The following INTS6 variants were observed in gnomAD, a reference collection of about 807,000 sequenced individuals.
The protein encoded by INTS6 is integrator complex subunit 6, also known as DEAD box protein.
A neutral mutation model predicts 104.9 loss-of-function variants in INTS6; 16 were observed. That is an observed-to-expected ratio of 0.15 (90% CI 0.10 to 0.23). The LOEUF (loss-of-function observed/expected upper bound fraction) is 0.23, where lower values mean the gene tolerates loss of function less well. INTS6 is among the 10% of genes least tolerant of loss of function. The probability of loss-of-function intolerance (pLI) is 1.00; values close to 1 mark genes in which losing one functional copy is unlikely to be tolerated. For missense variants in INTS6, 584 were observed against 1,062.8 expected (o/e 0.55, Z 6.26); for synonymous variants, 324 against 358.7 (o/e 0.90, Z 1.09).
At chr13:51,395,055 T>C (rs1956311237) in intron 5 of INTS6, among the ~76,000 whole-genome samples, 1 of 152,180 alleles carries the variant, frequency 6.6e-6, no homozygotes, top group Admixed American at 6.5e-5. Context: ...CTTCAAATAA[T>C]AGCATTTTCT....
chr13:51,389,062 C>T (rs1030882235), intron 6 of INTS6, among the ~76,000 whole-genome samples: 2 of 152,116 alleles, frequency 1.3e-5, no homozygotes, highest in African/African-American at 2.4e-5. Flanking sequence ...AGTTGCTTAT[C>T]GATAAATCTT....
rs1310109046 is a variant in INTS6 at position 51,383,673 on chromosome 13, T to C, written c.963A>G (p.Lys321=). Residue 321 remains lysine (K), a synonymous_variant, in exon 8 of 18, where the codon AAA becomes AAG. Coordinates refer to ENST00000311234, the MANE Select transcript of INTS6 (RefSeq NM_012141.3). ...CCAACTCATATTTGTCAAAAGGAAG[T>C]TTATCAATAACCATTGGTTCACAGT... The part of the protein sequence containing the change: ...CTDCEPMVID[K]LPFDKYELEP... The C allele has an allele frequency of 6.2e-7, 1 of 1,613,900 alleles. No homozygotes were observed. The highest frequency in any genetic ancestry group is 2.2e-5 in the East Asian group (1 of 44,838).
intron 4 of INTS6, among the ~76,000 whole-genome samples, chr13:51,408,016 C>CAA (rs558667282): frequency 6.4e-4 from 43 of 66,974 alleles, no homozygotes; most frequent in South Asian, 1.8e-3. Context: ...GACTCGGTCT[C>CAA]AAAAAAAAAA....
chr13:51,361,961 T>G lies in INTS6; in HGVS notation c.*3791A>C. 6.2e-7 allele frequency: 1 copy of G among 1,611,628 alleles called. No homozygotes were observed. Among genetic ancestry groups the G allele is most frequent in the East Asian group, 2.2e-5 (1 of 44,778 alleles). ...GTCTCTCTAGCAACAAGGGCTCATT[T>G]GTCCACTATCCCCTCAAAAATAAGC... On this transcript the variant is annotated 3_prime_UTR_variant, in exon 18 of 18. Coordinates refer to ENST00000311234, the MANE Select transcript of INTS6 (RefSeq NM_012141.3).
At chr13:51,419,492 CT>C (rs916631994) in intron 4 of INTS6, among the ~76,000 whole-genome samples, 6 of 152,170 alleles carry the variant, frequency 3.9e-5, no homozygotes, top group Non-Finnish European at 8.8e-5. Context: ...CTTCAGTGAC[CT>C]TTATGTCTTT....
chr13:51,351,880 AT>A (rs1425109857), downstream of INTS6, among the ~76,000 whole-genome samples: 1 of 152,030 alleles, frequency 6.6e-6, no homozygotes, highest in African/African-American at 2.4e-5. Context: ...TCCCAATATC[AT>A]TTGTTAAAAT....
intron 5 of INTS6, among the ~76,000 whole-genome samples, chr13:51,392,451 C>T (rs1956260371): frequency 3.3e-5 from 5 of 151,726 alleles, no homozygotes; most frequent in Admixed American, 3.3e-4. Flanking sequence ...CAATATTTGG[C>T]CCCTGCCTAC....
rs1161256407 is a variant in INTS6 at position 51,362,034 on chromosome 13, A to G, written c.*3718T>C. The G allele has an allele frequency of 1.2e-6, 2 of 1,600,558 alleles. No individual in the cohort carries two copies. The highest frequency in any genetic ancestry group is 1.1e-5 in the South Asian group (1 of 88,386). ...GTGCTTCAGAAGCTACCCAGTTGCTATCTTCTATCCTAAGAAAGGGGACTA... is the reference window on the plus strand; with the variant it reads ...GTGCTTCAGAAGCTACCCAGTTGCTGTCTTCTATCCTAAGAAAGGGGACTA... On this transcript the variant is annotated 3_prime_UTR_variant, in exon 18 of 18. Coordinates refer to ENST00000311234, the MANE Select transcript of INTS6 (RefSeq NM_012141.3).
downstream of INTS6, among the ~76,000 whole-genome samples, chr13:51,353,532 C>A (rs1001172741): frequency 2.0e-5 from 3 of 152,170 alleles, no homozygotes; most frequent in South Asian, 4.1e-4. Flanking sequence ...CAAACTCAGG[C>A]ATTGGATTCC....
chr13:51,431,662 T>A (rs1227639589), intron 3 of INTS6, among the ~76,000 whole-genome samples: 3 of 152,178 alleles, frequency 2.0e-5, no homozygotes, highest in Non-Finnish European at 4.4e-5. Flanking sequence ...GGACATGTAA[T>A]AGATCGTCTT....
At chr13:51,378,555 G>T in intron 11 of INTS6, 101 bp from the exon 12 acceptor site, 1 of 622,472 alleles carries the variant, frequency 1.6e-6, no homozygotes, top group Non-Finnish European at 2.4e-6. Flanking sequence ...TATTTTTTAA[G>T]TATATAAGAA....
intron 4 of INTS6, among the ~76,000 whole-genome samples, chr13:51,419,568 C>T (rs934814712): frequency 2.0e-5 from 3 of 152,182 alleles, no homozygotes; most frequent in South Asian, 2.1e-4. Context: ...TTTCCTAGAG[C>T]CAGCTCCGGC....
rs902328325 is a variant in INTS6, at chr13:51,417,733, A to C, written c.429+12561T>G. ...TGGCCTCCCAAAGTGCTAGGATTACAGGCGTGAGCTACTGCACCCGGCCAG... is the reference window on the plus strand; with the variant it reads ...TGGCCTCCCAAAGTGCTAGGATTACCGGCGTGAGCTACTGCACCCGGCCAG... On this transcript the variant is annotated intron_variant, in intron 4 of 17. Coordinates refer to ENST00000311234, the MANE Select transcript of INTS6 (RefSeq NM_012141.3). Among the ~76,000 whole-genome samples the C allele has an allele frequency of 2.0e-5, 3 of 152,332 alleles. No homozygotes were observed. In the South Asian group the frequency reaches 6.2e-4, roughly 32 times the overall value.
intron 3 of INTS6, chr13:51,450,346 T>G (rs1295561584): frequency 1.0e-6 from 1 of 985,268 alleles, no homozygotes; most frequent in Admixed American, 6.2e-5. Context: ...CTCAAATACA[T>G]GAAAGTAAGT....
intron 4 of INTS6, among the ~76,000 whole-genome samples, chr13:51,408,146 G>GTT (rs541254081): frequency 4.4e-4 from 62 of 141,064 alleles, no homozygotes; most frequent in South Asian, 1.1e-3. Flanking sequence ...ATTGAGATGG[G>GTT]TTTTTTTTTT....
intron 4 of INTS6, among the ~76,000 whole-genome samples, chr13:51,414,264 TA>T (rs1029917156): frequency 2.6e-5 from 4 of 152,212 alleles, no homozygotes; most frequent in African/African-American, 7.2e-5. Flanking sequence ...CTTCCCTGAC[TA>T]CTACCAGTTC....
chr13:51,372,502 G>A (rs1287607337), intron 15 of INTS6, among the ~76,000 whole-genome samples: 1 of 151,866 alleles, frequency 6.6e-6, no homozygotes, highest in East Asian at 1.9e-4. Flanking sequence ...TTTTTGCCTT[G>A]GTGAGATTTT....
chr13:51,384,766 T>G (rs748615132), intron 7 of INTS6: 100 of 447,860 alleles, frequency 2.2e-4, no homozygotes, highest in Non-Finnish European at 4.0e-5. Flanking sequence ...ACATGGTAGG[T>G]AGTCATTACT....
chr13:51,386,488 C>A (rs778440674), intron 7 of INTS6, among the ~76,000 whole-genome samples: 2 of 152,010 alleles, frequency 1.3e-5, no homozygotes, highest in Non-Finnish European at 2.9e-5. Flanking sequence ...GAAGATACTT[C>A]AATGAAATTT....
Sources: gnomAD v4.1 joint callset for allele counts (sites outside exome capture counted in the v4.1 genomes callset) on GRCh38, gnomAD v4.1.1 for gene constraint, MANE v1.5 for transcripts, NCBI Gene and HGNC (gene_info 2026-07-23, HGNC 2026-07-21) for gene names.